Variants in SKIC8 observed in about 807,000 individuals in gnomAD.
SKIC8 encodes superkiller complex protein 8.
At chr15:78,292,616 C>G in the SKIC8 span, 1 of 1,614,102 alleles carries the variant, frequency 6.2e-7, no homozygotes, top group Non-Finnish European at 8.5e-7. Context: ...AAACTCTTAC[C>G]AGGTCCTGCA....
the SKIC8 span, chr15:78,286,522 C>A: frequency 5.6e-6 from 1 of 178,938 alleles, no homozygotes; most frequent in African/African-American, 2.3e-5. Context: ...CCTGCCTGCA[C>A]CAGCAGCCTT....
the SKIC8 span, among the ~76,000 whole-genome samples, chr15:78,293,739 T>C: frequency 5.3e-5 from 8 of 152,218 alleles, no homozygotes; most frequent in Admixed American, 3.9e-4. Context: ...ATATATTAAG[T>C]TGCCTTTCCC....
the SKIC8 span, chr15:78,290,772 C>T: frequency 6.6e-6 from 1 of 151,444 alleles, no homozygotes; most frequent in African/African-American, 2.4e-5. Context: ...ATGCAGAGTC[C>T]TATCCAAAAA....
the SKIC8 span, chr15:78,294,482 C>CA: frequency 1.7e-5 from 3 of 174,732 alleles, no homozygotes; most frequent in African/African-American, 7.2e-5. Flanking sequence ...GCACAGCTCC[C>CA]AGCCCTCCCC....
the SKIC8 span, chr15:78,288,338 G>A: frequency 1.2e-6 from 2 of 1,613,776 alleles, no homozygotes; most frequent in Non-Finnish European, 1.7e-6. Context: ...ACAAGGAGCT[G>A]GGAGTCCGGG....
At chr15:78,287,566 G>C in the SKIC8 span, among the ~76,000 whole-genome samples, 1 of 152,164 alleles carries the variant, frequency 6.6e-6, no homozygotes. Context: ...ACATGCAGTG[G>C]ATTAGAATGC....
chr15:78,292,635 C>CT, the SKIC8 span: 1 of 1,614,180 alleles, frequency 6.2e-7, no homozygotes, highest in Non-Finnish European at 8.5e-7. Flanking sequence ...CATCTATGGA[C>CT]TTTATCTGTT....
the SKIC8 span, chr15:78,286,428 G>T: frequency 3.7e-6 from 1 of 272,630 alleles, no homozygotes; most frequent in South Asian, 1.1e-4. Context: ...CACTACAGAG[G>T]CTTCGCAAGC....
the SKIC8 span, chr15:78,283,455 G>A: frequency 6.2e-7 from 1 of 1,613,682 alleles, no homozygotes; most frequent in Non-Finnish European, 8.5e-7. Context: ...TCATAGATGT[G>A]AATTTCCTGG....
At chr15:78,298,671 A>G in the SKIC8 span, among the ~76,000 whole-genome samples, 2 of 152,226 alleles carry the variant, frequency 1.3e-5, no homozygotes, top group Admixed American at 6.5e-5. Context: ...TCAACTTACA[A>G]TGGGGTTACT....
chr15:78,292,984 T>C, the SKIC8 span: 1 of 866,854 alleles, frequency 1.2e-6, no homozygotes, highest in Non-Finnish European at 1.7e-6. Flanking sequence ...TTTTTAACTT[T>C]AGGGCTTTAA....
chr15:78,291,410 T>C, the SKIC8 span, among the ~76,000 whole-genome samples: 1 of 152,146 alleles, frequency 6.6e-6, no homozygotes, highest in Non-Finnish European at 1.5e-5. Flanking sequence ...GGGACCCAAG[T>C]CCTCTGTAAG....
At chr15:78,290,095 A>T in the SKIC8 span, 42 of 1,613,016 alleles carry the variant, frequency 2.6e-5, no homozygotes, top group East Asian at 6.5e-4. Flanking sequence ...AAGTCCAGGC[A>T]TCCACTGAAC....
the SKIC8 span, among the ~76,000 whole-genome samples, chr15:78,293,700 T>C: frequency 6.6e-6 from 1 of 152,178 alleles, no homozygotes; most frequent in Non-Finnish European, 1.5e-5. Context: ...ACAGTATAGA[T>C]CTAAAAGAAA....
chr15:78,284,034 T>C, the SKIC8 span: 2 of 152,360 alleles, frequency 1.3e-5, no homozygotes, highest in African/African-American at 4.8e-5. Flanking sequence ...CAACATGATA[T>C]TGTGGACCAT....
chr15:78,296,581 G>GC, the SKIC8 span, among the ~76,000 whole-genome samples: 151,946 of 151,946 alleles, frequency 1, 75,973 homozygotes, highest in Non-Finnish European at 1. Context: ...CACAATCATG[G>GC]TCAATGCAGC....
the SKIC8 span, chr15:78,293,136 C>A: frequency 6.3e-7 from 1 of 1,593,830 alleles, no homozygotes; most frequent in East Asian, 2.2e-5. Flanking sequence ...CCCAATTTTC[C>A]AAGGCTGTAT....
At chr15:78,292,525 A>C in the SKIC8 span, 3 of 1,544,702 alleles carry the variant, frequency 1.9e-6, no homozygotes, top group Non-Finnish European at 2.7e-6. Flanking sequence ...AAATCCAAAA[A>C]ATTCTGAGCT....
the SKIC8 span, chr15:78,295,519 T>A: frequency 1.8e-5 from 15 of 838,824 alleles, no homozygotes; most frequent in Non-Finnish European, 2.8e-5. Context: ...TAGTCCCACC[T>A]AACACTGTGG....
Sources: allele counts gnomAD v4.1 joint callset (sites outside exome capture counted in the v4.1 genomes callset), GRCh38; gene constraint gnomAD v4.1.1; transcripts MANE v1.5; gene names NCBI Gene and HGNC (gene_info 2026-07-23, HGNC 2026-07-21).